Variants in NTF3 observed in about 807,000 individuals in gnomAD.
NTF3 encodes the protein neurotrophin 3.
NTF3 carries 8 observed loss-of-function variants against 26.3 expected under a neutral mutation model. The ratio of observed to expected loss-of-function variants is 0.30; its 90% confidence interval spans 0.18 to 0.55. NTF3 has a LOEUF of 0.55. Among genes scored for constraint, NTF3 ranks in the 20% least tolerant of loss-of-function variants. The pLI is 0.93. For missense variants in NTF3, 276 were observed against 352.9 expected (o/e 0.78, Z 1.75); for synonymous variants, 154 against 145.5 (o/e 1.06, Z -0.42).
chr12:5,466,303 G>A (rs548622401), intron 1 of NTF3, among the ~76,000 whole-genome samples: 6 of 152,298 alleles, frequency 3.9e-5, no homozygotes, highest in Admixed American at 2.6e-4. Flanking sequence ...GCACTGTGGC[G>A]AGAGCAGCTA....
intron 1 of NTF3, among the ~76,000 whole-genome samples, chr12:5,450,179 C>T (rs1161973767): frequency 6.6e-6 from 1 of 152,166 alleles, no homozygotes; most frequent in Non-Finnish European, 1.5e-5. Context: ...AGAAGAGCAA[C>T]AGACAGCTGT....
intron 1 of NTF3, among the ~76,000 whole-genome samples, chr12:5,491,862 G>C (rs1940942685): frequency 6.6e-6 from 1 of 151,776 alleles, no homozygotes; most frequent in African/African-American, 2.4e-5. Context: ...TGGGACTACA[G>C]GCTGCCACCG....
intron 1 of NTF3, among the ~76,000 whole-genome samples, chr12:5,490,930 A>G (rs911960098): frequency 9.9e-5 from 15 of 152,198 alleles, no homozygotes; most frequent in Non-Finnish European, 5.9e-5. Flanking sequence ...GGTGTGCACC[A>G]TCTCCCGTGG....
At chr12:5,491,920 T>C (rs1015216412) in intron 1 of NTF3, among the ~76,000 whole-genome samples, 2 of 151,800 alleles carry the variant, frequency 1.3e-5, no homozygotes, top group Non-Finnish European at 2.9e-5. Flanking sequence ...TTCACCTTGT[T>C]AGCCAGGATG....
At chr12:5,466,279 T>A (rs186348734) in intron 1 of NTF3, among the ~76,000 whole-genome samples, 18 of 152,316 alleles carry the variant, frequency 1.2e-4, no homozygotes, top group African/African-American at 3.8e-4. Context: ...GTCCGCTGCA[T>A]CCTACAGTGA....
At chr12:5,474,375 T>C (rs545210620) in intron 1 of NTF3, among the ~76,000 whole-genome samples, 5 of 152,270 alleles carry the variant, frequency 3.3e-5, no homozygotes, top group African/African-American at 1.2e-4. Context: ...GACAGTCAAA[T>C]AGTAGTTAGC....
chr12:5,446,196 G>C (rs1234456439), intron 1 of NTF3, among the ~76,000 whole-genome samples: 1 of 152,140 alleles, frequency 6.6e-6, no homozygotes, highest in Non-Finnish European at 1.5e-5. Flanking sequence ...AACTCACAGA[G>C]GCAGATATTA....
intron 1 of NTF3, among the ~76,000 whole-genome samples, chr12:5,479,177 C>T (rs1310661563): frequency 1.3e-5 from 2 of 152,156 alleles, no homozygotes; most frequent in African/African-American, 2.4e-5. Context: ...TAAATAGAGC[C>T]AAGATTTGCC....
chr12:5,450,217 T>C (rs1413857140), intron 1 of NTF3, among the ~76,000 whole-genome samples: 2 of 152,210 alleles, frequency 1.3e-5, no homozygotes, highest in Admixed American at 6.5e-5. Context: ...AGAACACGGT[T>C]TGGTGTCTAG....
chr12:5,480,294 T>TCGGGTGGAAAAA (rs1167937729), intron 1 of NTF3, among the ~76,000 whole-genome samples: 1 of 152,084 alleles, frequency 6.6e-6, no homozygotes, highest in African/African-American at 2.4e-5. Context: ...CATTGGAAGT[T>TCGGGTGGAAAAA]CGGGTGGAAA....
In NTF3 at chr12:5,494,382, G is replaced by C. The variant is rs1261251764; in HGVS notation, c.207G>C (p.Lys69Asn). ...TCTCCAAGCAGATGGTGGACGTTAAGGAAAATTACCAGAGCACCCTGCCCA... is the reference window on the plus strand; with the variant it reads ...TCTCCAAGCAGATGGTGGACGTTAACGAAAATTACCAGAGCACCCTGCCCA... ...NKLSKQMVDVKENYQSTLPKA... is the reference protein window; with the variant it reads ...NKLSKQMVDVNENYQSTLPKA... The change falls in exon 2 of 2, where the codon AAG becomes AAC. Residue 69 changes from lysine (K) to asparagine (N), a missense_variant. Physicochemically the swap from Lys to Asn is moderately conservative, Grantham distance 94. This residue lies in a region of NTF3 where 221 missense variants were observed against 258.2 expected (regional missense o/e 0.86). Coordinates refer to ENST00000423158, the MANE Select transcript of NTF3 (RefSeq NM_001102654.2). The surrounding 1 kb of genome is among the most constrained non-coding windows in gnomAD (Gnocchi z 8.3). 6.2e-7 allele frequency: 1 copy of C among 1,614,052 alleles called. No individual in the cohort carries two copies. Among genetic ancestry groups the C allele is most frequent in the Non-Finnish European group, 8.5e-7 (1 of 1,180,022 alleles).
At chr12:5,492,265 T>A (rs1200221534) in intron 1 of NTF3, among the ~76,000 whole-genome samples, 1 of 152,230 alleles carries the variant, frequency 6.6e-6, no homozygotes, top group African/African-American at 2.4e-5. Flanking sequence ...GGACCTCCCC[T>A]CACTAACCAT....
rs1414223011 is a variant in NTF3, at chr12:5,495,203, C to A, written c.*215C>A. On this transcript the variant is annotated 3_prime_UTR_variant, in exon 2 of 2. Coordinates refer to ENST00000423158, the MANE Select transcript of NTF3 (RefSeq NM_001102654.2). ...TGTTAAAACTTGTTTTGTGATCCGG[C>A]TCTCAGGAGTCACTCTGTAAAATCT... The A allele has an allele frequency of 5.4e-6, 3 of 552,074 alleles. No individual in the cohort carries two copies. Among genetic ancestry groups the A allele is most frequent in the Non-Finnish European group, 9.7e-6 (3 of 308,740 alleles). 34.2% of individuals were successfully genotyped at this position (552,074 alleles called of 1,614,324 possible). A position where few individuals can be genotyped will look rare whatever the true frequency, so the allele number is the denominator to read the frequency against.
At chr12:5,444,579 A>G (rs1252479852) in intron 1 of NTF3, among the ~76,000 whole-genome samples, 3 of 152,200 alleles carry the variant, frequency 2.0e-5, no homozygotes, top group Admixed American at 1.3e-4. Context: ...AAGAACTGAA[A>G]GAAGCCCAGG....
chr12:5,488,748 C>T (rs1251570700), intron 1 of NTF3, among the ~76,000 whole-genome samples: 3 of 152,170 alleles, frequency 2.0e-5, no homozygotes, highest in African/African-American at 7.2e-5. Flanking sequence ...CAGGATGTCT[C>T]CTGAGCCTGT....
chr12:5,492,670 A>G (rs1029261170), intron 1 of NTF3, among the ~76,000 whole-genome samples: 6 of 152,314 alleles, frequency 3.9e-5, no homozygotes, highest in African/African-American at 9.6e-5. Context: ...ACTAGTTCCC[A>G]TGGAAAGAAG....
chr12:5,481,477 ATACATG>A (rs1940793316), intron 1 of NTF3, among the ~76,000 whole-genome samples: 1 of 149,094 alleles, frequency 6.7e-6, no homozygotes, highest in African/African-American at 2.5e-5. Context: ...AACACCACAC[ATACATG>A]CACACCACAG....
chr12:5,495,100 A>C lies in NTF3; in HGVS notation c.*112A>C. 1 of 1,171,392 alleles carries C rather than the reference A, an allele frequency of 8.5e-7. No individual in the cohort carries two copies. The highest frequency in any genetic ancestry group is 1.2e-6 in the Non-Finnish European group (1 of 831,810). 72.6% of individuals were successfully genotyped at this position (1,171,392 alleles called of 1,614,324 possible). The stretch of plus-strand genomic sequence containing the variant: ...TTATAAGTTGACCTTTATTTATTAA[A>C]CTTCAGCAACCCTACAGTATATAAG... On this transcript the variant is annotated 3_prime_UTR_variant, in exon 2 of 2. Transcript: ENST00000423158.
intron 1 of NTF3, among the ~76,000 whole-genome samples, chr12:5,459,522 C>G (rs1488573277): frequency 1.3e-5 from 2 of 152,226 alleles, no homozygotes; most frequent in Non-Finnish European, 2.9e-5. Flanking sequence ...ATTTCATCTT[C>G]TCTTGTGCTG....
Sources: allele counts gnomAD v4.1 joint callset (sites outside exome capture counted in the v4.1 genomes callset), GRCh38; gene constraint gnomAD v4.1.1; regional missense constraint gnomAD v4.1.1; non-coding constraint Gnocchi (gnomAD v3.1); transcripts MANE v1.5; gene names NCBI Gene and HGNC (gene_info 2026-07-23, HGNC 2026-07-21).